Variants in HMBOX1 observed in about 807,000 individuals in gnomAD.
HMBOX1 encodes homeobox containing 1, also known as homeobox-containing protein 1.
In HMBOX1, 14 loss-of-function variants were observed where a neutral mutation model predicts 54.5. The ratio of observed to expected loss-of-function variants is 0.26; its 90% confidence interval spans 0.17 to 0.40. HMBOX1 has a LOEUF of 0.40. Among genes scored for constraint, HMBOX1 ranks in the 10% least tolerant of loss-of-function variants. HMBOX1 has a pLI of 1.00. For synonymous variants in HMBOX1, 160 were observed against 181.0 expected (o/e 0.88, Z 0.93); for missense variants, 332 against 514.4 (o/e 0.65, Z 3.43).
intron 3 of HMBOX1, among the ~76,000 whole-genome samples, chr8:28,977,873 G>A (rs934147080): frequency 4.6e-5 from 7 of 151,826 alleles, no homozygotes; most frequent in African/African-American, 1.7e-4. Flanking sequence ...GAACCCGGGA[G>A]GCGGAGCTTG....
rs757230037 is a variant in HMBOX1, at chr8:29,045,382, C to T, written c.873C>T (p.Tyr291=). The T allele has an allele frequency of 6.2e-7, 1 of 1,614,026 alleles. No individual in the cohort carries two copies. The highest frequency in any genetic ancestry group is 2.2e-5 in the East Asian group (1 of 44,888). ...GCAGTTACTTCAATGAGAATCAATA[C>T]CCAGATGAAGCAAAGAGGGAAGAAA... The part of the protein sequence containing the change: ...VMESYFNENQ[Y]PDEAKREEIA... The change falls in exon 7 of 10, where the codon TAC becomes TAT. Residue 291 remains tyrosine (Y), a synonymous_variant. Coordinates refer to ENST00000287701, the MANE Select transcript of HMBOX1 (RefSeq NM_001135726.3).
At chr8:28,890,135 C>G (rs1810581517), upstream of HMBOX1, 1 of 535,830 alleles carries the variant, frequency 1.9e-6, no homozygotes. Flanking sequence ...ATCCCAGCCG[C>G]CAATGCATCC....
intron 6 of HMBOX1, among the ~76,000 whole-genome samples, chr8:29,019,132 TTATAA>T (rs1440156573): frequency 6.6e-6 from 1 of 152,210 alleles, no homozygotes; most frequent in African/African-American, 2.4e-5. Flanking sequence ...TTTATTTTAC[TTATAA>T]TAGTGTCCCC....
intron 6 of HMBOX1, among the ~76,000 whole-genome samples, chr8:29,035,613 AGGTACCACGGTTTCCG>A (rs1266944864): frequency 6.6e-6 from 1 of 152,222 alleles, no homozygotes; most frequent in Non-Finnish European, 1.5e-5. Flanking sequence ...GATGGGACTT[AGGTACCACGGTTTCCG>A]CTGGTATGAC....
chr8:29,041,074 G>A (rs1804736108), intron 6 of HMBOX1, among the ~76,000 whole-genome samples: 1 of 152,108 alleles, frequency 6.6e-6, no homozygotes. Flanking sequence ...CTTAAATATT[G>A]TACTGTCTCC....
intron 1 of HMBOX1, among the ~76,000 whole-genome samples, chr8:28,948,091 C>T (rs1450689586): frequency 6.6e-6 from 1 of 152,142 alleles, no homozygotes; most frequent in Non-Finnish European, 1.5e-5. Context: ...CCAGGCCTAA[C>T]CTAACCTTGT....
At chr8:28,890,212 G>T (rs1266631343), upstream of HMBOX1, 2 of 270,884 alleles carry the variant, frequency 7.4e-6, no homozygotes, top group Non-Finnish European at 1.4e-5. Flanking sequence ...GTTCTGGGAT[G>T]TGTAGTCCCG....
chr8:28,893,512 C>T (rs1027627052), intron 1 of HMBOX1, among the ~76,000 whole-genome samples: 2 of 152,136 alleles, frequency 1.3e-5, no homozygotes. Flanking sequence ...GTCACAAATA[C>T]GCATCAAGGA....
chr8:29,040,983 A>G (rs1804722575), intron 6 of HMBOX1, among the ~76,000 whole-genome samples: 1 of 152,206 alleles, frequency 6.6e-6, no homozygotes, highest in South Asian at 2.1e-4. Context: ...CAGAAATCAC[A>G]ATCCTAATAT....
intron 1 of HMBOX1, among the ~76,000 whole-genome samples, chr8:28,909,670 A>G (rs942889650): frequency 2.6e-5 from 4 of 152,220 alleles, no homozygotes; most frequent in Non-Finnish European, 5.9e-5. Flanking sequence ...TAAAGTGCTT[A>G]GTAGCCTTCT....
At chr8:29,020,848 A>G (rs1302006276) in intron 6 of HMBOX1, among the ~76,000 whole-genome samples, 1 of 152,176 alleles carries the variant, frequency 6.6e-6, no homozygotes, top group Non-Finnish European at 1.5e-5. Flanking sequence ...AGACTGTAAA[A>G]CCAGCAAAGT....
chr8:28,914,921 C>A (rs1185704264), intron 1 of HMBOX1, among the ~76,000 whole-genome samples: 2 of 152,132 alleles, frequency 1.3e-5, no homozygotes, highest in Non-Finnish European at 2.9e-5. Context: ...ATTTTTATTT[C>A]TTCAAAGGTG....
chr8:29,021,988 T>TTGGG (rs953281904), intron 6 of HMBOX1, among the ~76,000 whole-genome samples: 6 of 116,990 alleles, frequency 5.1e-5, no homozygotes, highest in South Asian at 2.6e-4. Flanking sequence ...TTTATATTGA[T>TTGGG]TGGGCTGTAG....
chr8:28,937,388 C>G (rs771385196), intron 1 of HMBOX1, among the ~76,000 whole-genome samples: 10 of 152,190 alleles, frequency 6.6e-5, no homozygotes, highest in Admixed American at 3.9e-4. Context: ...CAGATAGATT[C>G]ATAACCCAAA....
At chr8:28,950,395 T>A (rs1299595054) in intron 1 of HMBOX1, among the ~76,000 whole-genome samples, 1 of 152,260 alleles carries the variant, frequency 6.6e-6, no homozygotes, top group Non-Finnish European at 1.5e-5. Flanking sequence ...TTCTACCTGC[T>A]GTAATACATT....
chr8:29,019,872 G>A (rs117908407), intron 6 of HMBOX1, among the ~76,000 whole-genome samples: 3,050 of 152,248 alleles, frequency 0.02, 52 homozygotes, highest in Non-Finnish European at 0.031. Flanking sequence ...TTAAAATGCC[G>A]AAATTCAGAT....
At chr8:29,047,940 T>A (rs1268698029) in intron 8 of HMBOX1, among the ~76,000 whole-genome samples, 4 of 152,202 alleles carry the variant, frequency 2.6e-5, no homozygotes, top group African/African-American at 9.6e-5. Flanking sequence ...TTAGTATTAT[T>A]TACACTATTT....
At chr8:28,989,005 G>C (rs1830549588) in intron 4 of HMBOX1, among the ~76,000 whole-genome samples, 2 of 152,088 alleles carry the variant, frequency 1.3e-5, no homozygotes, top group South Asian at 2.1e-4. Context: ...AAGTGCGGTG[G>C]CTCACGCCTG....
intron 1 of HMBOX1, among the ~76,000 whole-genome samples, chr8:28,936,939 C>T (rs79186586): frequency 1.3e-5 from 2 of 151,538 alleles, no homozygotes; most frequent in African/African-American, 4.9e-5. Flanking sequence ...TCAATTAATA[C>T]AATTAAAGTA....
Sources: allele counts gnomAD v4.1 joint callset (sites outside exome capture counted in the v4.1 genomes callset), GRCh38; gene constraint gnomAD v4.1.1; transcripts MANE v1.5; gene names NCBI Gene and HGNC (gene_info 2026-07-23, HGNC 2026-07-21).